ELMOD1: variants seen among roughly 807,000 people sequenced by gnomAD.
ELMOD1 encodes the protein ELMO domain containing 1.
In ELMOD1, 21 loss-of-function variants were observed where a neutral mutation model predicts 46.7. That is an observed-to-expected ratio of 0.45 (90% CI 0.32 to 0.65). The LOEUF is 0.65. Among genes scored for constraint, ELMOD1 ranks in the 30% least tolerant of loss-of-function variants. The probability of loss-of-function intolerance (pLI) is 0.04; values close to 1 mark genes in which losing one functional copy is unlikely to be tolerated. For synonymous variants in ELMOD1, 122 were observed against 138.2 expected (o/e 0.88, Z 0.82); for missense variants, 348 against 407.8 (o/e 0.85, Z 1.26).
rs1209953269 is a variant in ELMOD1 at position 107,655,925 on chromosome 11, C to T, written c.699-8C>T. 1 of 1,605,460 alleles carries T rather than the reference C, an allele frequency of 6.2e-7. No homozygotes were observed. Among genetic ancestry groups the T allele is most frequent in the Non-Finnish European group, 8.5e-7 (1 of 1,175,404 alleles). On this transcript the variant is annotated splice_polypyrimidine_tract_variant and splice_region_variant and intron_variant, in intron 10 of 11. Transcript: ENST00000265840. ...CACACAGTTGGTTTTGTGGTTTATACTTTATAGGTACTCATTTGCAATTGT... is the reference window on the plus strand; with the variant it reads ...CACACAGTTGGTTTTGTGGTTTATATTTTATAGGTACTCATTTGCAATTGT...
chr11:107,613,416 T>G (rs1865811833), intron 1 of ELMOD1, among the ~76,000 whole-genome samples: 1 of 152,180 alleles, frequency 6.6e-6, no homozygotes, highest in Non-Finnish European at 1.5e-5. Flanking sequence ...ACAAGAACTT[T>G]GTCTCCAAAA....
At chr11:107,603,398 GC>G (rs1378135808) in intron 1 of ELMOD1, among the ~76,000 whole-genome samples, 6 of 152,050 alleles carry the variant, frequency 3.9e-5, no homozygotes, top group Admixed American at 6.6e-5. Context: ...AAATAGCTGT[GC>G]GTGGTGGTGC....
chr11:107,603,755 G>A (rs992731506), intron 1 of ELMOD1, among the ~76,000 whole-genome samples: 5 of 151,828 alleles, frequency 3.3e-5, no homozygotes, highest in Non-Finnish European at 7.4e-5. Context: ...CACATGCCTC[G>A]TGATCCCAGC....
chr11:107,661,025 G>T (rs574957253), intron 11 of ELMOD1, among the ~76,000 whole-genome samples: 1 of 152,268 alleles, frequency 6.6e-6, no homozygotes, highest in East Asian at 1.9e-4. Context: ...TTATATAAGT[G>T]AGTGGAGCTT....
intron 5 of ELMOD1, among the ~76,000 whole-genome samples, chr11:107,633,420 AATTT>A (rs1739792073): frequency 6.6e-6 from 1 of 151,966 alleles, no homozygotes; most frequent in Non-Finnish European, 1.5e-5. Context: ...CGACAGAGAA[AATTT>A]ATTTATTTAT....
Position 107,650,383 on chromosome 11 carries a change from C to T in ELMOD1, c.603C>T (p.Asp201=), listed in dbSNP as rs1358549423. 2.5e-6 allele frequency: 4 copies of T among 1,591,756 alleles called. No homozygotes were observed. In the African/African-American group the frequency reaches 4.0e-5, roughly 16 times the overall value. Residue 201 remains aspartate (D), a synonymous_variant, in exon 8 of 12, where the codon GAC becomes GAT. Coordinates refer to ENST00000265840, the MANE Select transcript of ELMOD1 (RefSeq NM_018712.4). ...CAGCAGCTCAGCAGGTCCTGTCTGA[C>T]TCTCTTCATCCGAAATGCAGGTAAT... ...DATAAQQVLS[D]SLHPKCRDIT... is the part of the protein sequence containing the mutation.
intron 7 of ELMOD1, among the ~76,000 whole-genome samples, chr11:107,648,364 C>T (rs909516987): frequency 2.0e-5 from 3 of 152,148 alleles, no homozygotes; most frequent in Non-Finnish European, 2.9e-5. Context: ...CACTTGTATC[C>T]GTCCCCTGTA....
At chr11:107,594,981 C>T (rs1865467881) in intron 1 of ELMOD1, among the ~76,000 whole-genome samples, 2 of 152,070 alleles carry the variant, frequency 1.3e-5, no homozygotes, top group Admixed American at 6.6e-5. Flanking sequence ...CTTTGAAGAC[C>T]CAGAAGCTAC....
chr11:107,615,297 G>T (rs1000263157), intron 1 of ELMOD1, among the ~76,000 whole-genome samples: 2 of 141,836 alleles, frequency 1.4e-5, no homozygotes, highest in African/African-American at 5.3e-5. Flanking sequence ...GTGCAGTGGC[G>T]TGATCTCGGC....
chr11:107,620,345 A>G (rs1359319276), intron 2 of ELMOD1: 1 of 152,246 alleles, frequency 6.6e-6, no homozygotes, highest in Admixed American at 6.5e-5. Flanking sequence ...TTTAGGATAC[A>G]TGATACCCAA....
chr11:107,622,963 CAT>C (rs1321814870), intron 2 of ELMOD1, among the ~76,000 whole-genome samples: 2 of 152,048 alleles, frequency 1.3e-5, no homozygotes, highest in African/African-American at 4.8e-5. Flanking sequence ...CAAATATGCA[CAT>C]ATATATACAC....
chr11:107,628,319 A>G (rs1311539169), intron 2 of ELMOD1, among the ~76,000 whole-genome samples: 1 of 152,070 alleles, frequency 6.6e-6, no homozygotes, highest in African/African-American at 2.4e-5. Context: ...GGCATGTGCC[A>G]CCACGCCCAG....
chr11:107,656,620 T>A (rs1866638360), intron 11 of ELMOD1, among the ~76,000 whole-genome samples: 1 of 151,156 alleles, frequency 6.6e-6, no homozygotes, highest in African/African-American at 2.4e-5. Flanking sequence ...TTTTGTTTTC[T>A]CATTCAAAAA....
intron 2 of ELMOD1, among the ~76,000 whole-genome samples, chr11:107,622,865 G>T (rs1032137291): frequency 6.6e-6 from 1 of 151,980 alleles, no homozygotes; most frequent in Admixed American, 6.6e-5. Context: ...TAGCTGTAGT[G>T]TTCTCTTTTC....
At chr11:107,618,520 A>G (rs1260603862) in intron 2 of ELMOD1, among the ~76,000 whole-genome samples, 2 of 152,246 alleles carry the variant, frequency 1.3e-5, no homozygotes, top group Non-Finnish European at 2.9e-5. Context: ...GTTTAAGGAA[A>G]TAGCTGTCAA....
intron 6 of ELMOD1, among the ~76,000 whole-genome samples, chr11:107,640,517 G>A (rs988909731): frequency 6.6e-6 from 1 of 151,636 alleles, no homozygotes; most frequent in Non-Finnish European, 1.5e-5. Flanking sequence ...ACATACCCTC[G>A]GTATACTACG....
intron 1 of ELMOD1, among the ~76,000 whole-genome samples, chr11:107,615,051 A>G (rs1865837901): frequency 1.3e-5 from 2 of 152,122 alleles, no homozygotes; most frequent in Admixed American, 1.3e-4. Context: ...TGTTGCATCT[A>G]CAGGGTAGAG....
chr11:107,639,034 C>A (rs1177254945), intron 6 of ELMOD1, among the ~76,000 whole-genome samples: 1 of 152,026 alleles, frequency 6.6e-6, no homozygotes, highest in Admixed American at 6.6e-5. Flanking sequence ...CCTGTAGTAC[C>A]AGTTACTTGG....
intron 3 of ELMOD1, 59 bp downstream of exon 3, chr11:107,630,621 G>A: frequency 6.2e-7 from 1 of 1,601,858 alleles, no homozygotes; most frequent in Non-Finnish European, 8.5e-7. Context: ...AAGATACGAT[G>A]TTGTCTTTCA....
Sources: gnomAD v4.1 joint callset for allele counts (sites outside exome capture counted in the v4.1 genomes callset) on GRCh38, gnomAD v4.1.1 for gene constraint, MANE v1.5 for transcripts, NCBI Gene and HGNC (gene_info 2026-07-23, HGNC 2026-07-21) for gene names.